The following GATA4 variants were observed in gnomAD, a reference collection of about 807,000 sequenced individuals.
GATA4 encodes GATA binding protein 4.
GATA4 carries 7 observed loss-of-function variants against 37.9 expected under a neutral mutation model. The observed-to-expected ratio is 0.18, with a 90% confidence interval of 0.11 to 0.35. The LOEUF (loss-of-function observed/expected upper bound fraction) is 0.35. GATA4 is among the 10% of genes least tolerant of loss of function. GATA4 has a pLI of 1.00. For missense variants in GATA4, 647 were observed against 653.0 expected (o/e 0.99, Z 0.10); for synonymous variants, 372 against 292.6 (o/e 1.27, Z -2.77).
At chr8:11,695,298 T>G (rs921547353) in intron 1 of GATA4, among the ~76,000 whole-genome samples, 6 of 151,682 alleles carry the variant, frequency 4.0e-5, no homozygotes, top group Non-Finnish European at 5.9e-5. Flanking sequence ...CCCAGCAACT[T>G]GGGAGGCTGA....
intron 1 of GATA4, chr8:11,680,610 G>T: frequency 1.0e-6 from 1 of 985,340 alleles, no homozygotes; most frequent in South Asian, 4.7e-5. Context: ...AGCGGCGGTC[G>T]GTGGCGTGAC....
Position 11,749,982 on chromosome 8 carries a change from C to G in GATA4, c.787-129C>G. 1 of 1,258,318 alleles carries G rather than the reference C, an allele frequency of 7.9e-7. No individual in the cohort carries two copies. Among genetic ancestry groups the G allele is most frequent in the South Asian group, 1.2e-5 (1 of 80,946 alleles). The allele number at this position is 1,258,318 out of a possible 1,614,324, so 77.9% of individuals were successfully genotyped here. A position where few individuals can be genotyped will look rare whatever the true frequency, so the allele number is the denominator to read the frequency against. ...TTAGGTGCCGTCACAGGTCAGAGAT[C>G]TCATGCAGGGTCGTTAGGGCCCAGC... On this transcript the variant is annotated intron_variant, in intron 3 of 6. Transcript: ENST00000532059. This position sits in a 1 kb window ranked among gnomAD's most constrained non-coding sequence, Gnocchi z 4.6.
intron 4 of GATA4, 54 bp from the exon 5 acceptor site, chr8:11,754,992 G>A: frequency 7.2e-7 from 1 of 1,395,766 alleles, no homozygotes; most frequent in Non-Finnish European, 1.0e-6. Flanking sequence ...TTTCAATGCT[G>A]TAGCAGACTA....
chr8:11,739,870 A>G (rs989753893), intron 2 of GATA4, among the ~76,000 whole-genome samples: 6 of 152,156 alleles, frequency 3.9e-5, no homozygotes, highest in African/African-American at 1.4e-4. Flanking sequence ...TATTCACGAA[A>G]TAGCCCAGAC....
chr8:11,722,516 C>G (rs1169451110), intron 2 of GATA4, among the ~76,000 whole-genome samples: 1 of 152,218 alleles, frequency 6.6e-6, no homozygotes, highest in Admixed American at 6.5e-5. Context: ...TAAATGAGGT[C>G]TAAGCATTGC....
intron 6 of GATA4, 21 bp downstream of exon 6, chr8:11,757,104 G>A (rs774079153): frequency 1.4e-5 from 23 of 1,612,096 alleles, no homozygotes; most frequent in East Asian, 4.5e-5. Context: ...TGGCTGGGGC[G>A]CCAGGGCTGT....
intron 2 of GATA4, among the ~76,000 whole-genome samples, chr8:11,727,719 C>T (rs1585637729): frequency 6.6e-6 from 1 of 151,866 alleles, no homozygotes; most frequent in African/African-American, 2.4e-5. Context: ...TAGTGTCTGT[C>T]TGTGGCCCCA....
rs1390725079 is a variant in GATA4 at position 11,708,412 on chromosome 8, T to A, written c.100T>A (p.Ser34Thr). Residue 34 changes from serine (S) to threonine (T), a missense_variant, in exon 2 of 7, where the codon TCC becomes ACC. Ser to Thr is a moderately conservative substitution (Grantham distance 58). This residue lies in a region of GATA4 where 379 missense variants were observed against 334.5 expected (regional missense o/e 1.13). Transcript: ENST00000532059. This position sits in a 1 kb window ranked among gnomAD's most constrained non-coding sequence, Gnocchi z 6.7. ...GAFMHGAGAA[S>T]SPVYVPTPRV... ...CTTCATGCACGGCGCGGGCGCCGCGTCCTCGCCAGTCTACGTGCCCACACC... is the reference window on the plus strand; with the variant it reads ...CTTCATGCACGGCGCGGGCGCCGCGACCTCGCCAGTCTACGTGCCCACACC... The A allele has an allele frequency of 6.5e-7, 1 of 1,538,130 alleles. No individual in the cohort carries two copies. The highest frequency in any genetic ancestry group is 8.7e-7 in the Non-Finnish European group (1 of 1,148,510).
At chr8:11,681,492 CGGGGGGGGG>C in intron 1 of GATA4, 6 of 925,048 alleles carry the variant, frequency 6.5e-6, no homozygotes, top group Non-Finnish European at 7.6e-6. Context: ...GCGGCGCTCG[CGGGGGGGGG>C]GGGGGGGATG....
intron 1 of GATA4, chr8:11,683,144 C>A (rs1321059987): frequency 1.0e-6 from 1 of 984,152 alleles, no homozygotes; most frequent in African/African-American, 1.7e-5. Flanking sequence ...TTTGCTCCAG[C>A]AGAGATAATG....
chr8:11,678,290 C>G (rs1183292476), intron 1 of GATA4, among the ~76,000 whole-genome samples: 1 of 152,070 alleles, frequency 6.6e-6, no homozygotes, highest in Non-Finnish European at 1.5e-5. Context: ...CCTGGTGTAC[C>G]TATTACAAAT....
intron 2 of GATA4, among the ~76,000 whole-genome samples, chr8:11,712,088 T>G (rs1800209766): frequency 6.6e-6 from 1 of 152,222 alleles, no homozygotes; most frequent in Non-Finnish European, 1.5e-5. Flanking sequence ...TCATAACAAT[T>G]TTTAGTGTTG....
chr8:11,743,172 T>C (rs980058895), intron 2 of GATA4, among the ~76,000 whole-genome samples: 1 of 152,252 alleles, frequency 6.6e-6, no homozygotes, highest in Admixed American at 6.5e-5. Flanking sequence ...CCAGGCCCAC[T>C]GCCGTTTGTC....
chr8:11,681,601 A>T (rs1798976495), intron 1 of GATA4: 1 of 380,984 alleles, frequency 2.6e-6, no homozygotes, highest in Non-Finnish European at 3.6e-6. Context: ...TGTTCTTAAC[A>T]ATTTTATTTA....
chr8:11,732,985 G>C (rs1801284160), intron 2 of GATA4, among the ~76,000 whole-genome samples: 1 of 152,140 alleles, frequency 6.6e-6, no homozygotes, highest in Non-Finnish European at 1.5e-5. Context: ...ATGTGGGTTA[G>C]GGTTGCCAGG....
chr8:11,692,982 C>T, intron 1 of GATA4: 1 of 985,310 alleles, frequency 1.0e-6, no homozygotes, highest in Non-Finnish European at 1.2e-6. Context: ...CGCGGCCATC[C>T]ATCACCCGGG....
At chr8:11,695,728 C>G (rs917651724) in intron 1 of GATA4, among the ~76,000 whole-genome samples, 3 of 152,156 alleles carry the variant, frequency 2.0e-5, no homozygotes, top group African/African-American at 4.8e-5. Context: ...GGCTTCAAGA[C>G]CTTCAGGATG....
chr8:11,692,801 C>G lies in GATA4; in HGVS notation c.-729+141C>G, dbSNP rs1811993746. 4 of 982,096 alleles carry G rather than the reference C, an allele frequency of 4.1e-6. No homozygotes were observed. In the South Asian group the frequency reaches 1.9e-4, roughly 46 times the overall value. The allele number at this position is 982,096 out of a possible 1,614,324, so 60.8% of individuals were successfully genotyped here. On this transcript the variant is annotated intron_variant, in intron 1 of 2. Transcript: ENST00000526974. Reference sequence around the variant, plus strand: ...GGCTGCCGAGGGGAGGAAGCGGGGCCGGCGCAGCGGGCGCCAGGCCGGGCA... The same window carrying G: ...GGCTGCCGAGGGGAGGAAGCGGGGCGGGCGCAGCGGGCGCCAGGCCGGGCA...
At chr8:11,680,443 T>C in intron 1 of GATA4, 3 of 982,376 alleles carry the variant, frequency 3.1e-6, no homozygotes, top group Non-Finnish European at 3.6e-6. Flanking sequence ...TCATCGCCTC[T>C]CCGTTCCTGG....
Sources: gnomAD v4.1 joint callset for allele counts (sites outside exome capture counted in the v4.1 genomes callset) on GRCh38, gnomAD v4.1.1 for gene constraint, gnomAD v4.1.1 regional missense constraint, Gnocchi (gnomAD v3.1) non-coding constraint, MANE v1.5 for transcripts, NCBI Gene and HGNC (gene_info 2026-07-23, HGNC 2026-07-21) for gene names.